The following GRPR variants were observed in gnomAD, a reference collection of about 807,000 sequenced individuals.
The protein encoded by GRPR is gastrin-releasing peptide receptor.
Under a neutral mutation model 15.6 loss-of-function variants are expected in GRPR, and 4 were observed. That is an observed-to-expected ratio of 0.26 (90% CI 0.13 to 0.59). The LOEUF is 0.59. Ranked by LOEUF, GRPR falls within the 20% of genes least tolerant of loss-of-function variation. The pLI, the probability that GRPR is intolerant of heterozygous loss-of-function variation, is 0.90. For synonymous variants in GRPR, 128 were observed against 126.8 expected, an observed-to-expected ratio of 1.01 and a Z score of -0.06; for missense variants, 270 against 304.1, an observed-to-expected ratio of 0.89 and a Z score of 0.83.
intron 1 of GRPR, among the ~76,000 whole-genome samples, chrX:16,143,107 A>G (rs1265454729): frequency 1.8e-5 from 2 of 110,672 alleles, no homozygotes; most frequent in Admixed American, 9.6e-5. Flanking sequence ...AAGTTGGGGA[A>G]TTATTTATTT....
chrX:16,130,304 A>G (rs1042940472), intron 1 of GRPR, among the ~76,000 whole-genome samples: 2 of 112,466 alleles, frequency 1.8e-5, no homozygotes, highest in Non-Finnish European at 3.8e-5. Flanking sequence ...TGACAAAAGG[A>G]TAAAGTCCAG....
At chrX:16,135,737 G>GTAGTTTTC (rs769409048) in intron 1 of GRPR, among the ~76,000 whole-genome samples, 11 of 112,181 alleles carry the variant, frequency 9.8e-5, no homozygotes, top group African/African-American at 3.2e-4. Context: ...AGAAAATTAT[G>GTAGTTTTC]TACAAAACAA....
chrX:16,134,284 CTTCATTT>C (rs1354037566), intron 1 of GRPR, among the ~76,000 whole-genome samples: 1 of 110,563 alleles, frequency 9.0e-6, no homozygotes, highest in Non-Finnish European at 1.9e-5. Context: ...CCATTTAATT[CTTCATTT>C]CAGTTATTAT....
At chrX:16,136,629 A>G (rs1922453314) in intron 1 of GRPR, among the ~76,000 whole-genome samples, 1 of 111,957 alleles carries the variant, frequency 8.9e-6, no homozygotes. Context: ...CTGTTTAAAG[A>G]AGGAACCAAC....
chrX:16,141,993 T>C (rs1922536591), intron 1 of GRPR, among the ~76,000 whole-genome samples: 2 of 111,978 alleles, frequency 1.8e-5, no homozygotes, highest in African/African-American at 6.5e-5. Flanking sequence ...AAGTAACCTC[T>C]TCAAATGGGC....
intron 1 of GRPR, among the ~76,000 whole-genome samples, chrX:16,134,486 A>AGAT (rs770649050): frequency 8.9e-6 from 1 of 112,288 alleles, no homozygotes; most frequent in East Asian, 2.8e-4. Flanking sequence ...CTTCCAGAAG[A>AGAT]GATTAGCTTT....
At chrX:16,135,380 T>A (rs1205556126) in intron 1 of GRPR, among the ~76,000 whole-genome samples, 1 of 112,544 alleles carries the variant, frequency 8.9e-6, no homozygotes, top group Non-Finnish European at 1.9e-5. Context: ...TTCTTTGTCT[T>A]CTTTCTCTTT....
intron 2 of GRPR, 140 bp downstream of exon 2, chrX:16,150,796 G>T: frequency 2.0e-6 from 1 of 499,983 alleles, no homozygotes; most frequent in Non-Finnish European, 3.6e-6. Flanking sequence ...AAATGGAAAT[G>T]CCTAGCCATG....
In GRPR at chrX:16,124,217, C is replaced by T. The variant is rs769696054; in HGVS notation, c.264C>T (p.Leu88=). 23 of 1,209,181 alleles carry T rather than the reference C, an allele frequency of 1.9e-5. No individual in the cohort carries two copies. The highest frequency in any genetic ancestry group is 3.4e-6 in the Non-Finnish European group (3 of 894,482). Residue 88 remains leucine (L), a synonymous_variant, in exon 1 of 3, where the codon CTC becomes CTT. Coordinates refer to ENST00000380289, the MANE Select transcript of GRPR (RefSeq NM_005314.3). The part of the protein sequence containing the change: ...FISSLALGDL[L]LLITCAPVDA... ...CCAGTCTGGCTTTGGGAGACCTGCT[C>T]CTCCTAATAACGTGTGCTCCAGTGG...
intron 1 of GRPR, among the ~76,000 whole-genome samples, chrX:16,142,845 T>G (rs1243753524): frequency 9.1e-6 from 1 of 110,157 alleles, no homozygotes; most frequent in Non-Finnish European, 1.9e-5. Context: ...TGCAGGGAAC[T>G]GGCCCAACTT....
chrX:16,142,098 T>C (rs1272311384), intron 1 of GRPR, among the ~76,000 whole-genome samples: 1 of 111,954 alleles, frequency 8.9e-6, no homozygotes, highest in Non-Finnish European at 1.9e-5. Context: ...AAGAGAGTAA[T>C]ATGAATATAA....
chrX:16,145,257 A>G (rs1262848754), intron 1 of GRPR, among the ~76,000 whole-genome samples: 1 of 112,142 alleles, frequency 8.9e-6, no homozygotes. Context: ...CTAAACGTCC[A>G]TCAACAGATG....
Position 16,152,314 on chromosome X carries a change from TCTG to T in GRPR, c.828_830del (p.Cys276del). 8.3e-7 allele frequency: 1 copy of T among 1,207,145 alleles called. No individual in the cohort carries two copies. Among genetic ancestry groups the T allele is most frequent in the Non-Finnish European group, 1.1e-6 (1 of 891,297 alleles). On this transcript the variant is annotated inframe_deletion, in exon 3 of 3. Coordinates refer to ENST00000380289, the MANE Select transcript of GRPR (RefSeq NM_005314.3). ...CTGGTGTTTGTGGGCCTGTTCGCCT[TCTG>T]CTGGCTCCCCAATCATGTCATCTAC... is the stretch of plus-strand genomic sequence containing the variant.
intron 1 of GRPR, among the ~76,000 whole-genome samples, chrX:16,142,640 TTAAC>T (rs1281971238): frequency 2.7e-5 from 3 of 112,005 alleles, no homozygotes; most frequent in Admixed American, 9.5e-5. Flanking sequence ...AATTTATACA[TTAAC>T]ATACATACAA....
At chrX:16,139,128 C>T (rs1285614076) in intron 1 of GRPR, among the ~76,000 whole-genome samples, 1 of 111,996 alleles carries the variant, frequency 8.9e-6, no homozygotes, top group East Asian at 2.8e-4. Flanking sequence ...GGATCATCTA[C>T]TTTTCATATA....
chrX:16,125,121 A>G, intron 1 of GRPR, among the ~76,000 whole-genome samples: 1 of 112,439 alleles, frequency 8.9e-6, no homozygotes. Context: ...AAATATACAT[A>G]TTTGCAAACT....
At chrX:16,124,726 T>A (rs1922263345) in intron 1 of GRPR, among the ~76,000 whole-genome samples, 1 of 112,229 alleles carries the variant, frequency 8.9e-6, no homozygotes, top group South Asian at 3.6e-4. Context: ...AGTTTAAACC[T>A]CAGGCAAATG....
chrX:16,130,495 C>A (rs1030039021), intron 1 of GRPR, among the ~76,000 whole-genome samples: 9 of 112,433 alleles, frequency 8.0e-5, no homozygotes, highest in Non-Finnish European at 1.7e-4. Context: ...CTTCAGAAGC[C>A]ATCAAACACA....
chrX:16,124,783 T>A (rs1175885149), intron 1 of GRPR, among the ~76,000 whole-genome samples: 1 of 112,319 alleles, frequency 8.9e-6, no homozygotes, highest in Non-Finnish European at 1.9e-5. Context: ...AAAGTTCCAC[T>A]GGATTTCTTC....
Sources: gnomAD v4.1 joint callset for allele counts (sites outside exome capture counted in the v4.1 genomes callset) on GRCh38, gnomAD v4.1.1 for gene constraint, MANE v1.5 for transcripts, NCBI Gene and HGNC (gene_info 2026-07-23, HGNC 2026-07-21) for gene names.